Variants in PRELID2 observed in about 807,000 individuals in gnomAD.
PRELID2 encodes PRELI domain containing 2.
PRELID2 carries 25 observed loss-of-function variants against 28.4 expected under a neutral mutation model. That is an observed-to-expected ratio of 0.88 (90% CI 0.64 to 1.23). The LOEUF is 1.23. PRELID2 is among the 50% of genes most tolerant of loss of function. PRELID2 has a pLI of 0.00. For synonymous variants in PRELID2, 76 were observed against 71.6 expected, an observed-to-expected ratio of 1.06 and a Z score of -0.31; for missense variants, 201 against 214.4, an observed-to-expected ratio of 0.94 and a Z score of 0.39.
chr5:145,442,702 A>C, the PRELID2 span, among the ~76,000 whole-genome samples: 12 of 152,112 alleles, frequency 7.9e-5, no homozygotes, highest in Non-Finnish European at 1.5e-4. Context: ...TGTATGTAGA[A>C]GTACAGTATA....
chr5:145,252,617 C>T, the PRELID2 span, among the ~76,000 whole-genome samples: 1 of 152,034 alleles, frequency 6.6e-6, no homozygotes, highest in Admixed American at 6.6e-5. Context: ...ATGTGCTAGC[C>T]TTTCTCCATA....
At chr5:145,504,419 T>C (rs1006198573) in intron 1 of PRELID2, among the ~76,000 whole-genome samples, 4 of 152,192 alleles carry the variant, frequency 2.6e-5, no homozygotes, top group African/African-American at 7.2e-5. Context: ...GTATTTTCAT[T>C]TGATCTTCGC....
the PRELID2 span, among the ~76,000 whole-genome samples, chr5:145,406,823 C>T: frequency 6.6e-6 from 1 of 152,156 alleles, no homozygotes; most frequent in East Asian, 1.9e-4. Context: ...ATCCAGACCA[C>T]AGGAGAAAGA....
At chr5:145,524,044 G>C (rs1752586591) in intron 1 of PRELID2, among the ~76,000 whole-genome samples, 1 of 151,926 alleles carries the variant, frequency 6.6e-6, no homozygotes, top group Non-Finnish European at 1.5e-5. Context: ...GTTTTTCAGG[G>C]GTCAAGGAGC....
intron 1 of PRELID2, among the ~76,000 whole-genome samples, chr5:145,727,418 G>A (rs1444673919): frequency 6.6e-6 from 1 of 152,160 alleles, no homozygotes; most frequent in Admixed American, 6.5e-5. Context: ...CCCTGGACAT[G>A]TTTCAAGACT....
chr5:145,512,683 T>G (rs1752471869), intron 1 of PRELID2, among the ~76,000 whole-genome samples: 1 of 152,208 alleles, frequency 6.6e-6, no homozygotes, highest in South Asian at 2.1e-4. Flanking sequence ...CCATGCCTCC[T>G]GTCTGAGAGA....
intron 1 of PRELID2, among the ~76,000 whole-genome samples, chr5:145,577,952 C>T (rs1319917819): frequency 6.6e-6 from 1 of 152,066 alleles, no homozygotes; most frequent in African/African-American, 2.4e-5. Flanking sequence ...GACATTGAAA[C>T]AAATGGAACT....
chr5:145,615,634 C>G (rs1301077820), intron 1 of PRELID2, among the ~76,000 whole-genome samples: 1 of 151,918 alleles, frequency 6.6e-6, no homozygotes. Flanking sequence ...CCGTGAGTCT[C>G]TTATAGGTGG....
chr5:145,368,603 G>A, the PRELID2 span, among the ~76,000 whole-genome samples: 2 of 151,608 alleles, frequency 1.3e-5, no homozygotes, highest in South Asian at 2.1e-4. Context: ...TTACACATAC[G>A]GATCCCTCTC....
chr5:145,507,501 G>A (rs1195707300), intron 1 of PRELID2, among the ~76,000 whole-genome samples: 3 of 152,080 alleles, frequency 2.0e-5, no homozygotes, highest in Non-Finnish European at 2.9e-5. Flanking sequence ...GATTCAGAAG[G>A]GATATGTGTT....
At chr5:145,806,294 T>G (rs1366684856) in intron 4 of PRELID2, among the ~76,000 whole-genome samples, 3 of 152,172 alleles carry the variant, frequency 2.0e-5, no homozygotes, top group Non-Finnish European at 2.9e-5. Flanking sequence ...TCTATTAACT[T>G]TTTTCAATTT....
chr5:145,484,409 A>G (rs980999537), intron 1 of PRELID2, among the ~76,000 whole-genome samples: 1 of 152,202 alleles, frequency 6.6e-6, no homozygotes, highest in Admixed American at 6.5e-5. Flanking sequence ...ACTCTGACTC[A>G]TAGACTGACT....
intron 1 of PRELID2, among the ~76,000 whole-genome samples, chr5:145,485,911 T>A (rs982967076): frequency 6.6e-6 from 1 of 152,276 alleles, no homozygotes. Context: ...CCATGAAAAA[T>A]TATTTATATA....
At chr5:145,291,319 G>A in the PRELID2 span, among the ~76,000 whole-genome samples, 1 of 125,972 alleles carries the variant, frequency 7.9e-6, no homozygotes, top group South Asian at 2.7e-4. Flanking sequence ...CCTGGCAACA[G>A]AGTGAGACTC....
chr5:145,436,142 T>G, the PRELID2 span, among the ~76,000 whole-genome samples: 2 of 152,136 alleles, frequency 1.3e-5, no homozygotes. Context: ...TTTGTGTCCA[T>G]GTGCACTCAA....
At chr5:145,792,065 G>A (rs185389803) in intron 5 of PRELID2, among the ~76,000 whole-genome samples, 10 of 152,140 alleles carry the variant, frequency 6.6e-5, no homozygotes, top group Admixed American at 2.0e-4. Flanking sequence ...AGCTCCCTAC[G>A]TTTGCATTCC....
At chr5:145,410,692 G>C in the PRELID2 span, among the ~76,000 whole-genome samples, 64 of 152,164 alleles carry the variant, frequency 4.2e-4, no homozygotes, top group African/African-American at 1.4e-3. Context: ...ATCTCTACCT[G>C]GTCCTGCCCT....
intron 1 of PRELID2, among the ~76,000 whole-genome samples, chr5:145,473,872 T>A (rs1346095021): frequency 6.6e-6 from 1 of 152,188 alleles, no homozygotes; most frequent in Non-Finnish European, 1.5e-5. Context: ...TATAAAAATA[T>A]ATACAACAAC....
chr5:145,646,474 A>G lies in PRELID2; in HGVS notation n.70+118457T>C, dbSNP rs150398016. On this transcript the variant is annotated intron_variant and non_coding_transcript_variant, in intron 1 of 2. Transcript: ENST00000510259. ...GTTCTTAGCTTCCTTGCATTTGGTT[A>G]GAACATACTCCTTTAGCTTGGAGGA... Among the ~76,000 whole-genome samples, 98 of 152,286 alleles carry G rather than the reference A, an allele frequency of 6.4e-4. No individual in the cohort carries two copies. The East Asian group carries it at 0.018, about 28-fold the overall frequency.
Sources: allele counts gnomAD v4.1 joint callset (sites outside exome capture counted in the v4.1 genomes callset), GRCh38; gene constraint gnomAD v4.1.1; transcripts MANE v1.5; gene names NCBI Gene and HGNC (gene_info 2026-07-23, HGNC 2026-07-21).